The following CXADR variants were observed in gnomAD, a reference collection of about 807,000 sequenced individuals.
CXADR encodes the protein coxsackievirus and adenovirus receptor.
A neutral mutation model predicts 40.3 loss-of-function variants in CXADR; 20 were observed. The observed-to-expected ratio is 0.50, with a 90% confidence interval of 0.35 to 0.72. The LOEUF (loss-of-function observed/expected upper bound fraction) is 0.72, where lower values mean the gene tolerates loss of function less well. Among genes scored for constraint, CXADR ranks in the 30% least tolerant of loss-of-function variants. The pLI is 0.01. For missense variants in CXADR, 332 were observed against 449.1 expected (o/e 0.74, Z 2.36); for synonymous variants, 150 against 161.3 (o/e 0.93, Z 0.53).
downstream of CXADR, among the ~76,000 whole-genome samples, chr21:17,571,321 A>G (rs17833659): frequency 7.0e-3 from 1,072 of 152,300 alleles, 71 homozygotes; most frequent in East Asian, 0.16. Context: ...ATAATAATGA[A>G]AGTTCTTTGT....
At chr21:17,542,026 T>C in intron 1 of CXADR, 1 of 363,126 alleles carries the variant, frequency 2.8e-6, no homozygotes, top group Non-Finnish European at 5.3e-6. Flanking sequence ...CAATTATTAC[T>C]CTGTTTTTGC....
rs551591015 is a variant in CXADR at position 17,530,364 on chromosome 21, A to C, written c.44-16663A>C. 5.4e-4 allele frequency: 244 copies of C among 448,134 alleles called. 1 individual carries two copies. Among genetic ancestry groups the C allele is most frequent in the Non-Finnish European group, 1.2e-4 (26 of 224,598 alleles). The allele number at this position is 448,134 out of a possible 1,614,324, so 27.8% of individuals were successfully genotyped here. The stretch of plus-strand genomic sequence containing the variant: ...TTTTACAGTTTGTGTTTTTTGTCTT[A>C]TTTTACTTCTCATGTTGGTAAGATT... On this transcript the variant is annotated intron_variant, in intron 1 of 6. Transcript: ENST00000284878.
chr21:17,593,969 A>T (rs2061469210), downstream of CXADR: 2 of 1,138,590 alleles, frequency 1.8e-6, no homozygotes, highest in African/African-American at 3.2e-5. Flanking sequence ...CTTCTATAAA[A>T]ATAAGTTTGA....
At chr21:17,619,941 A>G in the CXADR span, among the ~76,000 whole-genome samples, 1 of 151,786 alleles carries the variant, frequency 6.6e-6, no homozygotes, top group African/African-American at 2.4e-5. Context: ...AATTGAAGAG[A>G]GTTAGGGGCT....
At chr21:17,546,912 C>A in intron 1 of CXADR, 115 bp from the exon 2 acceptor site, 1 of 1,291,730 alleles carries the variant, frequency 7.7e-7, no homozygotes, top group Non-Finnish European at 1.1e-6. Flanking sequence ...CCTCGGGACC[C>A]AAACCCCGTC....
In CXADR at chr21:17,568,329, C is replaced by T; in HGVS notation, c.*2637C>T. 9.8e-6 allele frequency: 8 copies of T among 815,280 alleles called. No individual in the cohort carries two copies. The highest frequency in any genetic ancestry group is 1.2e-5 in the Non-Finnish European group (8 of 675,552). 50.5% of individuals were successfully genotyped at this position (815,280 alleles called of 1,614,324 possible). ...AATTTTAGTAGAGACAGGGTTTCAC[C>T]GTGTTAGCCAGGATGGTCTCGATCT... On this transcript the variant is annotated 3_prime_UTR_variant, in exon 7 of 7. Coordinates refer to ENST00000284878, the MANE Select transcript of CXADR (RefSeq NM_001338.5).
intron 3 of CXADR, among the ~76,000 whole-genome samples, chr21:17,556,331 A>G (rs2061035556): frequency 6.6e-6 from 1 of 152,230 alleles, no homozygotes; most frequent in South Asian, 2.1e-4. Flanking sequence ...GGGCCACTCC[A>G]AAGTGTCATT....
At chr21:17,519,015 G>A in intron 1 of CXADR, 6 of 1,531,304 alleles carry the variant, frequency 3.9e-6, no homozygotes, top group Non-Finnish European at 5.4e-6. Flanking sequence ...ATCTGAAGCA[G>A]GGAGGGTCCT....
chr21:17,624,641 T>G, the CXADR span, among the ~76,000 whole-genome samples: 3 of 152,188 alleles, frequency 2.0e-5, no homozygotes, highest in Non-Finnish European at 4.4e-5. Flanking sequence ...GATAATCTCT[T>G]TATCTTAAGG....
the CXADR span, among the ~76,000 whole-genome samples, chr21:17,616,362 G>A: frequency 2.9e-5 from 4 of 136,082 alleles, no homozygotes; most frequent in Non-Finnish European, 6.2e-5. Context: ...TTGAGACAGA[G>A]TCTTTCTCTG....
intron 1 of CXADR, among the ~76,000 whole-genome samples, chr21:17,520,588 A>G (rs1450679294): frequency 6.6e-6 from 1 of 152,210 alleles, no homozygotes; most frequent in Non-Finnish European, 1.5e-5. Flanking sequence ...GTAAGGTTAT[A>G]CGCTGAGATT....
At chr21:17,631,794 C>T in the CXADR span, among the ~76,000 whole-genome samples, 3 of 152,126 alleles carry the variant, frequency 2.0e-5, no homozygotes, top group African/African-American at 7.2e-5. Context: ...TGCTCAGCTA[C>T]CCCTACGTGT....
chr21:17,567,024 A>G lies in CXADR; in HGVS notation c.*1332A>G. 2 of 981,738 alleles carry G rather than the reference A, an allele frequency of 2.0e-6. No individual in the cohort carries two copies. The highest frequency in any genetic ancestry group is 2.4e-6 in the Non-Finnish European group (2 of 826,624). 60.8% of individuals were successfully genotyped at this position (981,738 alleles called of 1,614,324 possible). A position where few individuals can be genotyped will look rare whatever the true frequency, so the allele number is the denominator to read the frequency against. On this transcript the variant is annotated 3_prime_UTR_variant, in exon 7 of 7. Coordinates refer to ENST00000284878, the MANE Select transcript of CXADR (RefSeq NM_001338.5). The stretch of plus-strand genomic sequence containing the variant: ...ACTACTCCTCCTTGCCAAATGTGCT[A>G]AATATCATTTTAGGAGAAGAAAGTG...
At chr21:17,538,338 C>T (rs993143303) in intron 1 of CXADR, among the ~76,000 whole-genome samples, 6 of 151,834 alleles carry the variant, frequency 4.0e-5, no homozygotes, top group African/African-American at 1.5e-4. Flanking sequence ...CTGAGTGAGG[C>T]GAGATGATGA....
chr21:17,580,310 A>G (rs2061351215), intron 7 of CXADR, among the ~76,000 whole-genome samples: 1 of 152,216 alleles, frequency 6.6e-6, no homozygotes, highest in Non-Finnish European at 1.5e-5. Context: ...AAGCTTTCCT[A>G]GACAACTTCC....
downstream of CXADR, chr21:17,593,788 C>A: frequency 3.9e-6 from 1 of 258,562 alleles, no homozygotes; most frequent in Non-Finnish European, 7.2e-6. Flanking sequence ...GGTGCTAGAA[C>A]AAATCGTCCA....
At chr21:17,598,751 T>A in the CXADR span, 1 of 1,614,080 alleles carries the variant, frequency 6.2e-7, no homozygotes, top group Admixed American at 1.7e-5. Context: ...GTAACTTTCC[T>A]GGAGATCTCA....
intron 1 of CXADR, among the ~76,000 whole-genome samples, chr21:17,514,140 A>G (rs1052595648): frequency 6.6e-6 from 1 of 152,138 alleles, no homozygotes; most frequent in African/African-American, 2.4e-5. Context: ...TAACCAAATA[A>G]TTCATTTTTA....
chr21:17,594,015 GAACTTTT>G (rs1433306760), downstream of CXADR: 21 of 1,501,906 alleles, frequency 1.4e-5, no homozygotes, highest in Middle Eastern at 3.6e-4. Flanking sequence ...CTATTAGTAA[GAACTTTT>G]AACTTTTAAT....
Sources: allele counts gnomAD v4.1 joint callset (sites outside exome capture counted in the v4.1 genomes callset), GRCh38; gene constraint gnomAD v4.1.1; transcripts MANE v1.5; gene names NCBI Gene and HGNC (gene_info 2026-07-23, HGNC 2026-07-21).